The following PREX1 variants were observed in gnomAD, a reference collection of about 807,000 sequenced individuals.
PREX1 encodes the protein phosphatidylinositol-3,4,5-trisphosphate dependent Rac exchange factor 1.
Under a neutral mutation model 198.3 loss-of-function variants are expected in PREX1, and 41 were observed. The ratio of observed to expected loss-of-function variants is 0.21; its 90% CI spans 0.16 to 0.27. The LOEUF (loss-of-function observed/expected upper bound fraction) is 0.27. PREX1 is among the 10% of genes least tolerant of loss of function. The pLI is 1.00. For synonymous variants in PREX1, 843 were observed against 887.2 expected, an observed-to-expected ratio of 0.95 and a Z score of 0.89; for missense variants, 1,620 against 2,200.7, an observed-to-expected ratio of 0.74 and a Z score of 5.28.
intron 15 of PREX1, among the ~76,000 whole-genome samples, chr20:48,665,445 T>G (rs2089631912): frequency 6.8e-6 from 1 of 147,650 alleles, no homozygotes; most frequent in Non-Finnish European, 1.5e-5. Flanking sequence ...ACGGCCTGAG[T>G]TCTAATCCTG....
Position 48,741,898 on chromosome 20 carries a change from T to C in PREX1, c.414+3127A>G, listed in dbSNP as rs73911665. On this transcript the variant is annotated intron_variant, in intron 3 of 39. Transcript: ENST00000371941. ...GGAACAGCGAGGAGATCCGTGTGGC[T>C]AGAGCCAGGGGAGCAAGTTCCGAGG... Among the ~76,000 whole-genome samples, 7 of 152,270 alleles carry C rather than the reference T, an allele frequency of 4.6e-5. No homozygotes were observed. The East Asian group carries it at 1.4e-3, about 29-fold the overall frequency.
At chr20:48,805,572 G>A (rs976588376) in intron 1 of PREX1, among the ~76,000 whole-genome samples, 1 of 152,214 alleles carries the variant, frequency 6.6e-6, no homozygotes, top group Non-Finnish European at 1.5e-5. Flanking sequence ...CAGCGAATTA[G>A]GGAGCCAGGA....
chr20:48,708,437 G>A lies in PREX1; in HGVS notation c.622-16C>T, dbSNP rs2089913816. 2 of 1,612,956 alleles carry A rather than the reference G, an allele frequency of 1.2e-6. No individual in the cohort carries two copies. The highest frequency in any genetic ancestry group is 1.7e-6 in the Non-Finnish European group (2 of 1,179,210). ...TGGCCAGCTCCTGGGGTAGAATAGAGGTGGGGAGAAGAAAGCAAGACATCA... is the reference window on the plus strand; with the variant it reads ...TGGCCAGCTCCTGGGGTAGAATAGAAGTGGGGAGAAGAAAGCAAGACATCA... On this transcript the variant is annotated splice_polypyrimidine_tract_variant and intron_variant, in intron 5 of 39. Transcript: ENST00000371941.
intron 5 of PREX1, among the ~76,000 whole-genome samples, chr20:48,717,237 G>A (rs1021350068): frequency 2.0e-5 from 3 of 150,756 alleles, no homozygotes; most frequent in African/African-American, 7.3e-5. Flanking sequence ...GAAAAAGGCA[G>A]GAGGGTGGTG....
chr20:48,736,103 ATAACT>A (rs2090056043), intron 3 of PREX1, among the ~76,000 whole-genome samples: 1 of 152,204 alleles, frequency 6.6e-6, no homozygotes, highest in South Asian at 2.1e-4. Flanking sequence ...GGAGGATGAA[ATAACT>A]TAATATATGT....
At chr20:48,785,752 T>C (rs2090309169) in intron 1 of PREX1, among the ~76,000 whole-genome samples, 1 of 152,180 alleles carries the variant, frequency 6.6e-6, no homozygotes, top group South Asian at 2.1e-4. Flanking sequence ...AGTAAGCCTG[T>C]GCACTCAGAG....
At chr20:48,785,287 G>T (rs1427781333) in intron 1 of PREX1, among the ~76,000 whole-genome samples, 1 of 152,184 alleles carries the variant, frequency 6.6e-6, no homozygotes, top group African/African-American at 2.4e-5. Flanking sequence ...TTCCTGCCTG[G>T]GGTCTCCTCT....
At position 48,666,320 on chromosome 20, in the gene PREX1, G is replaced by A. The variant is rs1443513677; in HGVS notation, c.1701C>T (p.Leu567=). 3.1e-5 allele frequency: 48 copies of A among 1,569,950 alleles called. No homozygotes were observed. Among genetic ancestry groups the A allele is most frequent in the Admixed American group, 7.3e-5 (4 of 54,808 alleles). The stretch of plus-strand genomic sequence containing the variant: ...AGCCATTGTTGCACAGACCCACGCC[G>A]AGCGCCACTGCCTCCTCCCGAGTCT... ...DCQTREEAVA[L]GVGLCNNGFM... Residue 567 remains leucine (L), a synonymous_variant, in exon 15 of 40, where the codon CTC becomes CTT. Transcript: ENST00000371941. The surrounding 1 kb of genome is among the most constrained non-coding windows in gnomAD (Gnocchi z 4.3).
intron 1 of PREX1, among the ~76,000 whole-genome samples, chr20:48,770,837 C>T (rs2090232059): frequency 6.6e-6 from 1 of 152,310 alleles, no homozygotes; most frequent in East Asian, 1.9e-4. Context: ...CTACAGCAGG[C>T]GTCTGAATCA....
intron 5 of PREX1, among the ~76,000 whole-genome samples, chr20:48,709,051 C>T (rs2089917676): frequency 6.6e-6 from 1 of 152,162 alleles, no homozygotes; most frequent in Admixed American, 6.5e-5. Context: ...CAGCTCACCC[C>T]TCAACTCAGA....
intron 14 of PREX1, among the ~76,000 whole-genome samples, chr20:48,675,665 T>A (rs897448933): frequency 1.3e-5 from 2 of 152,154 alleles, no homozygotes; most frequent in Admixed American, 1.3e-4. Flanking sequence ...TTGGGAAGAT[T>A]AGAAGGTCTG....
chr20:48,661,771 G>C (rs902843307), intron 15 of PREX1, among the ~76,000 whole-genome samples: 15 of 151,784 alleles, frequency 9.9e-5, no homozygotes, highest in Non-Finnish European at 2.1e-4. Flanking sequence ...CTAAGACTCA[G>C]GCCCCTAGGT....
intron 1 of PREX1, among the ~76,000 whole-genome samples, chr20:48,790,244 T>A (rs984414527): frequency 6.6e-6 from 1 of 152,172 alleles, no homozygotes; most frequent in Non-Finnish European, 1.5e-5. Context: ...GCCGGATGCA[T>A]CCTAAGTGCT....
intron 1 of PREX1, among the ~76,000 whole-genome samples, chr20:48,784,184 C>T (rs534353627): frequency 6.6e-6 from 1 of 152,234 alleles, no homozygotes; most frequent in East Asian, 1.9e-4. Context: ...AGAGAGTGCA[C>T]AAGAAGTCCA....
At chr20:48,765,286 T>C (rs1284443732) in intron 1 of PREX1, among the ~76,000 whole-genome samples, 1 of 152,208 alleles carries the variant, frequency 6.6e-6, no homozygotes, top group Non-Finnish European at 1.5e-5. Flanking sequence ...CCCACAAAAG[T>C]ATCTACAAAC....
intron 14 of PREX1, among the ~76,000 whole-genome samples, chr20:48,669,967 C>G (rs1291262130): frequency 6.6e-6 from 1 of 152,130 alleles, no homozygotes; most frequent in Non-Finnish European, 1.5e-5. Flanking sequence ...ATGCCTCTCA[C>G]CGACCCACCA....
chr20:48,827,632 C>A lies in PREX1; in HGVS notation c.219+10G>T. Reference sequence around the variant, plus strand: ...GGAAAGCTGTCCCCAAGCTCCCGAGCGACACTCACCGACTGCAAGAAGCGC... The same window carrying A: ...GGAAAGCTGTCCCCAAGCTCCCGAGAGACACTCACCGACTGCAAGAAGCGC... On this transcript the variant is annotated intron_variant, in intron 1 of 39. Transcript: ENST00000371941. This position sits in a 1 kb window ranked among gnomAD's most constrained non-coding sequence, Gnocchi z 4.1. 7.7e-7 allele frequency: 1 copy of A among 1,291,286 alleles called. No individual in the cohort carries two copies. The highest frequency in any genetic ancestry group is 3.5e-5 in the Admixed American group (1 of 28,806). 80.0% of individuals were successfully genotyped at this position (1,291,286 alleles called of 1,614,324 possible).
the PREX1 span, among the ~76,000 whole-genome samples, chr20:48,877,930 G>A: frequency 2.0e-5 from 3 of 152,124 alleles, no homozygotes; most frequent in Non-Finnish European, 2.9e-5. Flanking sequence ...CCAACATGGC[G>A]AAGCTCCATC....
intron 1 of PREX1, among the ~76,000 whole-genome samples, chr20:48,778,695 T>C (rs797000445): frequency 2.6e-5 from 4 of 152,346 alleles, no homozygotes; most frequent in African/African-American, 7.2e-5. Context: ...AGTACAGGAA[T>C]TGACCCACAC....
Sources: allele counts gnomAD v4.1 joint callset (sites outside exome capture counted in the v4.1 genomes callset), GRCh38; gene constraint gnomAD v4.1.1; non-coding constraint Gnocchi (gnomAD v3.1); transcripts MANE v1.5; gene names NCBI Gene and HGNC (gene_info 2026-07-23, HGNC 2026-07-21).